The following POU6F2 variants were observed in gnomAD, a reference collection of about 807,000 sequenced individuals.
The protein encoded by POU6F2 is POU domain, class 6, transcription factor 2.
Under a neutral mutation model 71.3 loss-of-function variants are expected in POU6F2, and 31 were observed. The ratio of observed to expected loss-of-function variants is 0.43; its 90% confidence interval spans 0.33 to 0.59. The LOEUF (loss-of-function observed/expected upper bound fraction) is 0.59, where lower values mean the gene tolerates loss of function less well. POU6F2 is among the 20% of genes least tolerant of loss of function. The pLI, the probability that POU6F2 is intolerant of heterozygous loss-of-function variation, is 0.04. For missense variants in POU6F2, 783 were observed against 856.8 expected, an observed-to-expected ratio of 0.91 and a Z score of 1.07; for synonymous variants, 347 against 355.7, an observed-to-expected ratio of 0.98 and a Z score of 0.27.
intron 8 of POU6F2, among the ~76,000 whole-genome samples, chr7:39,454,194 G>A (rs1788730068): frequency 6.6e-6 from 1 of 152,122 alleles, no homozygotes; most frequent in Admixed American, 6.5e-5. Context: ...GGTCTGGAAG[G>A]ATTCCAAATG....
chr7:39,446,403 T>G (rs1788524853), intron 7 of POU6F2, among the ~76,000 whole-genome samples: 1 of 152,276 alleles, frequency 6.6e-6, no homozygotes, highest in Non-Finnish European at 1.5e-5. Flanking sequence ...CCAACTTGCC[T>G]AGTACATTCT....
intron 4 of POU6F2, among the ~76,000 whole-genome samples, chr7:39,242,595 G>A (rs1783748258): frequency 6.6e-6 from 1 of 151,938 alleles, no homozygotes; most frequent in Non-Finnish European, 1.5e-5. Context: ...GACAAACGTG[G>A]GCTGGAATTA....
chr7:39,156,472 T>C (rs1792872035), intron 2 of POU6F2, among the ~76,000 whole-genome samples: 1 of 152,102 alleles, frequency 6.6e-6, no homozygotes, highest in Admixed American at 6.5e-5. Flanking sequence ...ATAAAAAGAG[T>C]TTAGGAAACT....
chr7:39,080,289 C>A (rs777150780), intron 1 of POU6F2, among the ~76,000 whole-genome samples: 17 of 152,100 alleles, frequency 1.1e-4, no homozygotes, highest in Non-Finnish European at 2.2e-4. Flanking sequence ...GTTTGTTTTT[C>A]TTCATGACTA....
intron 1 of POU6F2, among the ~76,000 whole-genome samples, chr7:39,069,952 A>G (rs10951591): frequency 0.065 from 9,935 of 152,096 alleles, 605 homozygotes; most frequent in African/African-American, 0.15. Context: ...CTGTATTCAG[A>G]TAAGTTAAAG....
chr7:39,351,315 C>T (rs1786135488), intron 5 of POU6F2, among the ~76,000 whole-genome samples: 1 of 152,132 alleles, frequency 6.6e-6, no homozygotes, highest in Non-Finnish European at 1.5e-5. Context: ...TGTGCTCTAC[C>T]CCTCCCCAGA....
chr7:39,444,194 A>T lies in POU6F2; in HGVS notation c.1321-7339A>T, dbSNP rs75065184. ...TCTGAAATGTAAACAGTATTTTTTT[A>T]AAAAAAACACCGGTATTTGACAGCC... is the stretch of plus-strand genomic sequence containing the variant. On this transcript the variant is annotated intron_variant, in intron 7 of 9. Coordinates refer to ENST00000518318, the MANE Select transcript of POU6F2 (RefSeq NM_001370959.1). 3.7e-4 allele frequency among the ~76,000 whole-genome samples: 26 copies of T among 69,614 alleles called. No homozygotes were observed. In the South Asian group the frequency reaches 4.2e-3, roughly 11 times the overall value. 45.7% of individuals were successfully genotyped at this position (69,614 alleles called of 152,430 possible).
chr7:39,263,448 G>A (rs1008239454), intron 4 of POU6F2, among the ~76,000 whole-genome samples: 4 of 152,018 alleles, frequency 2.6e-5, no homozygotes, highest in African/African-American at 7.2e-5. Context: ...TGTACCTTTG[G>A]TCTAAACTTC....
intron 4 of POU6F2, among the ~76,000 whole-genome samples, chr7:39,274,386 T>G (rs1173664891): frequency 1.3e-5 from 2 of 149,926 alleles, no homozygotes; most frequent in African/African-American, 2.4e-5. Flanking sequence ...AATAACAGGA[T>G]CTGAAATTGT....
chr7:39,029,980 G>A (rs1456273498), intron 1 of POU6F2, among the ~76,000 whole-genome samples: 1 of 151,998 alleles, frequency 6.6e-6, no homozygotes, highest in South Asian at 2.1e-4. Context: ...AATGACATTA[G>A]CCTAGAAGTA....
chr7:39,254,231 A>G (rs1366112384), intron 4 of POU6F2, among the ~76,000 whole-genome samples: 1 of 152,202 alleles, frequency 6.6e-6, no homozygotes, highest in East Asian at 1.9e-4. Context: ...TTGGAGGCCA[A>G]TGACAGTGAG....
intron 4 of POU6F2, among the ~76,000 whole-genome samples, chr7:39,252,371 AACACAC>A (rs931266578): frequency 7.5e-6 from 1 of 133,800 alleles, no homozygotes; most frequent in African/African-American, 2.8e-5. Flanking sequence ...TCACCACACA[AACACAC>A]ACACATACAG....
intron 2 of POU6F2, among the ~76,000 whole-genome samples, chr7:39,168,307 T>C (rs928139670): frequency 1.2e-4 from 18 of 152,328 alleles, no homozygotes; most frequent in Middle Eastern, 6.8e-3. Context: ...ATGACAACCA[T>C]ATGAGGTACA....
intron 2 of POU6F2, among the ~76,000 whole-genome samples, chr7:39,169,772 G>T (rs1793183969): frequency 6.6e-6 from 1 of 151,782 alleles, no homozygotes; most frequent in Non-Finnish European, 1.5e-5. Flanking sequence ...TAAAATAAGG[G>T]TTAGTACTCA....
chr7:39,428,908 G>A (rs1261537863), intron 6 of POU6F2, among the ~76,000 whole-genome samples: 1 of 135,370 alleles, frequency 7.4e-6, no homozygotes, highest in African/African-American at 2.8e-5. Flanking sequence ...GGTGGGAATT[G>A]AACAATGAGA....
At chr7:38,990,509 A>G (rs774177840) in intron 1 of POU6F2, among the ~76,000 whole-genome samples, 9 of 152,174 alleles carry the variant, frequency 5.9e-5, no homozygotes, top group Non-Finnish European at 1.0e-4. Context: ...GCTTTTACAA[A>G]TGATTCAGCC....
chr7:39,257,230 A>G (rs1490792202), intron 4 of POU6F2, among the ~76,000 whole-genome samples: 32 of 152,324 alleles, frequency 2.1e-4, no homozygotes, highest in Non-Finnish European at 1.6e-4. Flanking sequence ...TCCACTTTCT[A>G]GGATCCTGAC....
intron 4 of POU6F2, among the ~76,000 whole-genome samples, chr7:39,250,941 G>A (rs113936126): frequency 1.1e-4 from 16 of 152,272 alleles, no homozygotes; most frequent in East Asian, 1.9e-4. Flanking sequence ...TTTGCTTTGC[G>A]TCTCCATTTG....
At chr7:39,228,630 A>T (rs576668519) in intron 4 of POU6F2, among the ~76,000 whole-genome samples, 2 of 152,244 alleles carry the variant, frequency 1.3e-5, no homozygotes. Context: ...TAATCACAGG[A>T]TGCCGCCGAG....
Sources: gnomAD v4.1 joint callset for allele counts (sites outside exome capture counted in the v4.1 genomes callset) on GRCh38, gnomAD v4.1.1 for gene constraint, MANE v1.5 for transcripts, NCBI Gene and HGNC (gene_info 2026-07-23, HGNC 2026-07-21) for gene names.